KCNG3: variants seen among roughly 807,000 people sequenced by gnomAD.
KCNG3 encodes potassium voltage-gated channel modifier subfamily G member 3, also known as voltage-gated potassium channel regulatory subunit KCNG3.
In KCNG3, 15 loss-of-function variants were observed where a neutral mutation model predicts 29.0. The ratio of observed to expected loss-of-function variants is 0.52; its 90% CI spans 0.35 to 0.80. KCNG3 has a LOEUF of 0.80. Ranked by LOEUF, KCNG3 falls within the 30% of genes least tolerant of loss-of-function variation. The pLI is 0.01. For missense variants in KCNG3, 512 were observed against 605.7 expected, an observed-to-expected ratio of 0.85 and a Z score of 1.62; for synonymous variants, 322 against 248.9, an observed-to-expected ratio of 1.29 and a Z score of -2.76.
intron 1 of KCNG3, among the ~76,000 whole-genome samples, chr2:42,471,339 G>C (rs760378528): frequency 7.9e-5 from 12 of 152,014 alleles, no homozygotes; most frequent in African/African-American, 1.4e-4. Context: ...ATCATAAAAG[G>C]AATAAAATAC....
chr2:42,408,025 G>T, the KCNG3 span, among the ~76,000 whole-genome samples: 4 of 152,242 alleles, frequency 2.6e-5, no homozygotes, highest in Non-Finnish European at 5.9e-5. Context: ...ACAAAGCTGG[G>T]GTGAAGACAG....
At chr2:42,416,220 T>C in the KCNG3 span, among the ~76,000 whole-genome samples, 2 of 151,896 alleles carry the variant, frequency 1.3e-5, no homozygotes, top group Admixed American at 1.3e-4. Flanking sequence ...TAGTGAGAGG[T>C]TAATAAATGA....
intron 1 of KCNG3, among the ~76,000 whole-genome samples, chr2:42,490,347 G>A (rs772589662): frequency 1.4e-4 from 21 of 152,088 alleles, no homozygotes; most frequent in South Asian, 2.1e-4. Context: ...AGGCCGACAC[G>A]GGTGGATCAC....
At chr2:42,388,735 G>C in the KCNG3 span, 1 of 152,168 alleles carries the variant, frequency 6.6e-6, no homozygotes, top group African/African-American at 2.4e-5. Flanking sequence ...AGTCACACCA[G>C]GAGTTAGGGG....
Position 42,452,243 on chromosome 2 carries a change from A to ATATATT in KCNG3, c.666-7665_666-7664insAATATA. Reference sequence around the variant, plus strand: ...TAAATATATATATATATATATATATATTTTTTTTTTTTTTTTAAAGGAAAC... The same window carrying ATATATT: ...TAAATATATATATATATATATATATATATATTTTTTTTTTTTTTTTTTAAAGGAAAC... On this transcript the variant is annotated intron_variant, in intron 1 of 1. Transcript: ENST00000306078. Among the ~76,000 whole-genome samples the ATATATT allele has an allele frequency of 4.2e-5, 4 of 95,052 alleles. No individual in the cohort carries two copies. The East Asian group carries it at 1.4e-3, about 33-fold the overall frequency. 62.4% of individuals were successfully genotyped at this position (95,052 alleles called of 152,430 possible). A position where few individuals can be genotyped will look rare whatever the true frequency, so the allele number is the denominator to read the frequency against.
the KCNG3 span, among the ~76,000 whole-genome samples, chr2:42,415,857 T>C: frequency 6.6e-6 from 1 of 152,320 alleles, no homozygotes; most frequent in South Asian, 2.1e-4. Flanking sequence ...AAATATTGCA[T>C]GATCTTACTC....
chr2:42,454,089 A>G (rs1213718634), intron 1 of KCNG3, among the ~76,000 whole-genome samples: 2 of 81,398 alleles, frequency 2.5e-5, no homozygotes, highest in Admixed American at 1.4e-4. Context: ...GATGGCTACT[A>G]TACCAAAAAA....
At chr2:42,441,517 A>C (rs1204919233), downstream of KCNG3, among the ~76,000 whole-genome samples, 1 of 152,068 alleles carries the variant, frequency 6.6e-6, no homozygotes, top group Non-Finnish European at 1.5e-5. Flanking sequence ...TTCATTTATG[A>C]ATGAACTACT....
chr2:42,421,566 T>C, the KCNG3 span, among the ~76,000 whole-genome samples: 1 of 152,234 alleles, frequency 6.6e-6, no homozygotes, highest in Non-Finnish European at 1.5e-5. Flanking sequence ...GTTGGTAATA[T>C]CTTCCTACTC....
chr2:42,421,915 G>C, the KCNG3 span, among the ~76,000 whole-genome samples: 1 of 152,098 alleles, frequency 6.6e-6, no homozygotes. Context: ...AATCTGGTTG[G>C]TTAGTAACTA....
chr2:42,459,015 G>C (rs1672947068), intron 1 of KCNG3, among the ~76,000 whole-genome samples: 3 of 152,040 alleles, frequency 2.0e-5, no homozygotes, highest in Admixed American at 2.0e-4. Context: ...CGACCAACAT[G>C]GTGAAACCCC....
the KCNG3 span, among the ~76,000 whole-genome samples, chr2:42,434,141 C>A: frequency 6.6e-6 from 1 of 151,976 alleles, no homozygotes; most frequent in South Asian, 2.1e-4. Flanking sequence ...ACACACCAAA[C>A]CTAAAATTCA....
chr2:42,432,859 T>C, the KCNG3 span, among the ~76,000 whole-genome samples: 2 of 150,962 alleles, frequency 1.3e-5, no homozygotes, highest in Non-Finnish European at 2.9e-5. Context: ...TTTCCTGATA[T>C]AGACAGTACA....
chr2:42,465,749 T>G (rs1275636573), intron 1 of KCNG3, among the ~76,000 whole-genome samples: 1 of 152,124 alleles, frequency 6.6e-6, no homozygotes. Context: ...AGGACTAGTA[T>G]CCAGATTGTA....
intron 1 of KCNG3, among the ~76,000 whole-genome samples, chr2:42,452,243 A>ATATATATATATATATATATTTTTT: frequency 6.3e-5 from 6 of 95,060 alleles, no homozygotes; most frequent in African/African-American, 2.4e-4. Context: ...ATATATATAT[A>ATATATATATATATATATATTTTTT]TTTTTTTTTT....
the KCNG3 span, among the ~76,000 whole-genome samples, chr2:42,399,637 A>G: frequency 6.6e-6 from 1 of 152,248 alleles, no homozygotes; most frequent in Non-Finnish European, 1.5e-5. Flanking sequence ...CCTCAGTCAC[A>G]TCAAGAATAA....
In KCNG3 at chr2:42,476,794, T is replaced by C. The variant is rs149240256; in HGVS notation, c.665+16043A>G. Among the ~76,000 whole-genome samples the C allele has an allele frequency of 4.2e-3, 635 of 149,786 alleles. 3 individuals carry two copies. The highest frequency in any genetic ancestry group is 0.014 in the African/African-American group (567 of 40,874). Reference sequence around the variant, plus strand: ...TGTGAGCCACCATGCCCGGACAAAATAAAACATTTGTAAAAAGCAAAGAAC... The same window carrying C: ...TGTGAGCCACCATGCCCGGACAAAACAAAACATTTGTAAAAAGCAAAGAAC... On this transcript the variant is annotated intron_variant, in intron 1 of 1. Transcript: ENST00000306078.
At chr2:42,438,264 C>G (rs778920215), downstream of KCNG3, among the ~76,000 whole-genome samples, 13 of 152,116 alleles carry the variant, frequency 8.5e-5, no homozygotes, top group African/African-American at 1.2e-4. Context: ...AAAACAAAAA[C>G]AAACCAATAC....
the KCNG3 span, among the ~76,000 whole-genome samples, chr2:42,395,206 C>G: frequency 1.3e-5 from 2 of 152,128 alleles, no homozygotes; most frequent in Non-Finnish European, 2.9e-5. Flanking sequence ...GGAGAGGAGA[C>G]AACAGCAATG....
Sources: gnomAD v4.1 joint callset for allele counts (sites outside exome capture counted in the v4.1 genomes callset) on GRCh38, gnomAD v4.1.1 for gene constraint, MANE v1.5 for transcripts, NCBI Gene and HGNC (gene_info 2026-07-23, HGNC 2026-07-21) for gene names.